Variants in AATK observed in about 807,000 individuals in gnomAD.
The protein encoded by AATK is lemur tail kinase 1, also known as serine/threonine-protein kinase LMTK1.
A neutral mutation model predicts 114.3 loss-of-function variants in AATK; 91 were observed. That is an observed-to-expected ratio of 0.80 (90% confidence interval 0.67 to 0.95). The LOEUF (loss-of-function observed/expected upper bound fraction) is 0.95. Ranked by LOEUF, AATK falls within the 40% of genes least tolerant of loss-of-function variation. The pLI, the probability that AATK is intolerant of heterozygous loss-of-function variation, is 0.00. For missense variants in AATK, 2,176 were observed against 1,965.2 expected, an observed-to-expected ratio of 1.11 and a Z score of -2.03; for synonymous variants, 1,075 against 916.5, an observed-to-expected ratio of 1.17 and a Z score of -3.12.
At chr17:81,165,878 G>A (rs1356973030) in intron 1 of AATK, 60 bp downstream of exon 1, 18 of 1,548,260 alleles carry the variant, frequency 1.2e-5, no homozygotes, top group Non-Finnish European at 1.6e-5. Context: ...GGGGCCCAGG[G>A]GCATCACGTC....
chr17:81,119,510 GT>G lies in AATK; in HGVS notation c.3953del (p.Asp1318AlafsTer112). 1 of 1,564,234 alleles carries G rather than the reference GT, an allele frequency of 6.4e-7. No individual in the cohort carries two copies. The highest frequency in any genetic ancestry group is 8.6e-7 in the Non-Finnish European group (1 of 1,157,630). On this transcript the variant is annotated frameshift_variant, in exon 13 of 14. Coordinates refer to ENST00000326724, the MANE Select transcript of AATK (RefSeq NM_001080395.3). LOFTEE classifies it high-confidence loss of function. ...GCGCAGCCGGGGCGGGTGCGGCCGG[GT>G]CTAGGGCCATGGCGAAGGCTGCCTT... The part of the protein sequence containing the change: ...TAKAAFAMAL[D>X]PAAPAPAAPT...
chr17:81,150,078 A>G (rs2061275188), intron 1 of AATK, among the ~76,000 whole-genome samples: 1 of 151,824 alleles, frequency 6.6e-6, no homozygotes, highest in South Asian at 2.1e-4. Context: ...GCAAATCCAG[A>G]CACAGAAAGT....
chr17:81,133,695 C>T, intron 2 of AATK, among the ~76,000 whole-genome samples: 1 of 152,098 alleles, frequency 6.6e-6, no homozygotes, highest in African/African-American at 2.4e-5. Flanking sequence ...AGAGTTACAG[C>T]TGGAGGTGGG....
chr17:81,144,971 G>C (rs563898630), intron 1 of AATK, among the ~76,000 whole-genome samples: 1 of 152,136 alleles, frequency 6.6e-6, no homozygotes, highest in Non-Finnish European at 1.5e-5. Flanking sequence ...GGTGGCTCAC[G>C]CCTGTAATCC....
At chr17:81,128,382 G>C in intron 4 of AATK, 88 bp downstream of exon 4, 1 of 1,441,140 alleles carries the variant, frequency 6.9e-7, no homozygotes. Flanking sequence ...CGTCGGGGCT[G>C]GGGTGGCTCC....
chr17:81,122,798 G>C lies in AATK; in HGVS notation c.1138C>G (p.Leu380Val). The C allele has an allele frequency of 6.3e-7, 1 of 1,579,504 alleles. No individual in the cohort carries two copies. ...RWYEVMQFCWLQPEQRPTAEE... is the reference protein window; with the variant it reads ...RWYEVMQFCWVQPEQRPTAEE... ...GCTGTGGGCCGCTGCTCGGGCTGCA[G>C]CCAGCAGAACTGCATCACCTCGTAC... Residue 380 changes from leucine to valine, a missense_variant, in exon 11 of 14, where the codon CTG becomes GTG. Physicochemically the swap from Leu to Val is conservative, Grantham distance 32. This residue lies in a region of AATK where 273 missense variants were observed against 344.1 expected (regional missense o/e 0.79). Transcript: ENST00000326724.
chr17:81,151,115 G>T (rs945684849), intron 1 of AATK, among the ~76,000 whole-genome samples: 2 of 152,126 alleles, frequency 1.3e-5, no homozygotes, highest in Non-Finnish European at 2.9e-5. Flanking sequence ...AGAACTTTGT[G>T]GGCTGGGGAA....
Position 81,120,147 on chromosome 17 carries a change from C to A in AATK, c.3735+54G>T, listed in dbSNP as rs192541131. ...GGAGCCGCGGCCGCTCCCACCCCTTCCTGCGGGAGCGCGACCCCCAGCCCC... is the reference window on the plus strand; with the variant it reads ...GGAGCCGCGGCCGCTCCCACCCCTTACTGCGGGAGCGCGACCCCCAGCCCC... On this transcript the variant is annotated intron_variant, in intron 11 of 13. Coordinates refer to ENST00000326724, the MANE Select transcript of AATK (RefSeq NM_001080395.3). 0.018 allele frequency: 27,736 copies of A among 1,513,464 alleles called. 311 individuals carry two copies. Among genetic ancestry groups the A allele is most frequent in the Non-Finnish European group, 0.021 (23,623 of 1,128,928 alleles). The allele number at this position is 1,513,464 out of a possible 1,614,324, so 93.8% of individuals were successfully genotyped here.
In AATK at chr17:81,142,663, G is replaced by T. The variant is rs75324845; in HGVS notation, c.56-8162C>A. On this transcript the variant is annotated intron_variant, in intron 1 of 13. Coordinates refer to ENST00000326724, the MANE Select transcript of AATK (RefSeq NM_001080395.3). ...GACCAAGAGCAGGGAAGAGAAGGAG[G>T]TGCTTGGGGTGGAGACACCCCCACA... Among the ~76,000 whole-genome samples, 327 of 152,338 alleles carry T rather than the reference G, an allele frequency of 2.1e-3. 1 individual carries two copies. The highest frequency in any genetic ancestry group is 7.5e-3 in the African/African-American group (311 of 41,588).
rs2060578952 is a variant in AATK, at chr17:81,117,474, G to GTTAGT, written c.*923_*927dup. On this transcript the variant is annotated 3_prime_UTR_variant, in exon 14 of 14. Transcript: ENST00000326724. ...ACTTCCATTCGCTCCAACCACAGCAGTTAGTTAGTTACAAAAATATTCCCT... is the reference window on the plus strand; with the variant it reads ...ACTTCCATTCGCTCCAACCACAGCAGTTAGTTTAGTTAGTTACAAAAATATTCCCT... 1.4e-5 allele frequency: 2 copies of GTTAGT among 147,618 alleles called. No homozygotes were observed. The highest frequency in any genetic ancestry group is 5.4e-5 in the African/African-American group (2 of 37,198). The allele number at this position is 147,618 out of a possible 1,614,324, so 9.1% of individuals were successfully genotyped here.
chr17:81,128,386 T>G (rs1598924635), intron 4 of AATK, 84 bp downstream of exon 4: 1 of 1,445,100 alleles, frequency 6.9e-7, no homozygotes. Flanking sequence ...GGGGCTGGGG[T>G]GGCTCCTAGG....
chr17:81,155,176 G>A (rs1165769546), intron 1 of AATK, among the ~76,000 whole-genome samples: 11 of 152,148 alleles, frequency 7.2e-5, no homozygotes, highest in African/African-American at 2.4e-4. Flanking sequence ...ATTCGCATTT[G>A]GGCAAGATAA....
At position 81,134,436 on chromosome 17, in the gene AATK, C is replaced by G. The variant is rs779486236; in HGVS notation, c.121G>C (p.Gly41Arg). ...SLAVVAVSFS[G>R]LFAVIVLMLA... is the part of the protein sequence containing the mutation. ...ATGAGGACGATGACGGCGAAGAGCCCGGAGAAAGACACAGCCACCACGGCG... is the reference window on the plus strand; with the variant it reads ...ATGAGGACGATGACGGCGAAGAGCCGGGAGAAAGACACAGCCACCACGGCG... The change falls in exon 2 of 14, where the codon GGG becomes CGG. Residue 41 changes from glycine to arginine, a missense_variant. Transcript: ENST00000326724. 1.9e-6 allele frequency: 3 copies of G among 1,613,098 alleles called. No individual in the cohort carries two copies. Among genetic ancestry groups the G allele is most frequent in the African/African-American group, 1.3e-5 (1 of 74,944 alleles).
chr17:81,137,325 C>T (rs188714676), intron 1 of AATK, among the ~76,000 whole-genome samples: 164 of 151,824 alleles, frequency 1.1e-3, no homozygotes, highest in African/African-American at 3.9e-3. Context: ...CCCGTGGAAG[C>T]GAGGTGGTTT....
chr17:81,130,598 C>T (rs961786462), intron 3 of AATK, among the ~76,000 whole-genome samples: 1 of 152,304 alleles, frequency 6.6e-6, no homozygotes, highest in East Asian at 1.9e-4. Flanking sequence ...CAATGGAACC[C>T]GTGTCCCTGA....
chr17:81,156,959 G>A (rs961117641), intron 1 of AATK, among the ~76,000 whole-genome samples: 8 of 152,056 alleles, frequency 5.3e-5, no homozygotes, highest in African/African-American at 1.7e-4. Flanking sequence ...CAGGCCTCCC[G>A]ACACAGGGGA....
intron 1 of AATK, among the ~76,000 whole-genome samples, chr17:81,156,417 GAGAC>G (rs1005654142): frequency 1.3e-5 from 2 of 149,492 alleles, no homozygotes; most frequent in Non-Finnish European, 3.0e-5. Context: ...TTTTGTTTTT[GAGAC>G]AGAGTCTTGC....
intron 3 of AATK, among the ~76,000 whole-genome samples, chr17:81,130,598 C>G (rs961786462): frequency 6.6e-6 from 1 of 152,186 alleles, no homozygotes. Flanking sequence ...CAATGGAACC[C>G]GTGTCCCTGA....
In AATK at chr17:81,158,593, C is replaced by T. The variant is rs2061394643; in HGVS notation, c.55+7345G>A. On this transcript the variant is annotated intron_variant, in intron 1 of 13. Coordinates refer to ENST00000326724, the MANE Select transcript of AATK (RefSeq NM_001080395.3). ...CTTGTGTCCAGGACCTGCCCACTGC[C>T]CCGAGCCTGGCTCCCACAGGCCAGC... Among the ~76,000 whole-genome samples the T allele has an allele frequency of 2.0e-5, 3 of 152,210 alleles. No individual in the cohort carries two copies. The South Asian group carries it at 6.2e-4, about 32-fold the overall frequency.
Sources: gnomAD v4.1 joint callset for allele counts (sites outside exome capture counted in the v4.1 genomes callset) on GRCh38, gnomAD v4.1.1 for gene constraint, gnomAD v4.1.1 regional missense constraint, MANE v1.5 for transcripts, NCBI Gene and HGNC (gene_info 2026-07-23, HGNC 2026-07-21) for gene names.